The following SGCD variants were observed in gnomAD, a reference collection of about 807,000 sequenced individuals.
SGCD encodes delta-sarcoglycan.
SGCD carries 18 observed loss-of-function variants against 36.6 expected under a neutral mutation model. The observed-to-expected ratio is 0.49, with a 90% confidence interval of 0.34 to 0.73. The LOEUF (loss-of-function observed/expected upper bound fraction) is 0.73, where lower values mean the gene tolerates loss of function less well. Ranked by LOEUF, SGCD falls within the 30% of genes least tolerant of loss-of-function variation. SGCD has a pLI of 0.01. For synonymous variants in SGCD, 133 were observed against 130.6 expected (o/e 1.02, Z -0.12); for missense variants, 387 against 346.7 (o/e 1.12, Z -0.92).
intron 1 of SGCD, among the ~76,000 whole-genome samples, chr5:156,052,137 C>T (rs1759934981): frequency 6.8e-6 from 1 of 146,246 alleles, no homozygotes; most frequent in Non-Finnish European, 1.5e-5. Context: ...CAGCTTGAAT[C>T]CCAAGTTCCA....
In SGCD at chr5:156,209,171, G is replaced by A. The variant is rs145906350; in HGVS notation, c.-44+85152G>A. On this transcript the variant is annotated intron_variant, in intron 3 of 9. Coordinates refer to the SGCD transcript ENST00000517913. Reference sequence around the variant, plus strand: ...CCTGCAACCCATTTACTGCCAGGCAGAATTTCACAGCCTCTGGCTTTTAGT... The same window carrying A: ...CCTGCAACCCATTTACTGCCAGGCAAAATTTCACAGCCTCTGGCTTTTAGT... Among the ~76,000 whole-genome samples, 86 of 152,268 alleles carry A rather than the reference G, an allele frequency of 5.6e-4. 1 individual carries two copies. The highest frequency in any genetic ancestry group is 2.0e-3 in the African/African-American group (82 of 41,554).
At chr5:155,895,540 G>A (rs1372538898) in intron 1 of SGCD, among the ~76,000 whole-genome samples, 1 of 152,164 alleles carries the variant, frequency 6.6e-6, no homozygotes, top group African/African-American at 2.4e-5. Context: ...GCAATCTGCT[G>A]TCATCTATCA....
chr5:156,415,614 C>A (rs929261267), intron 3 of SGCD, among the ~76,000 whole-genome samples: 2 of 152,074 alleles, frequency 1.3e-5, no homozygotes, highest in Non-Finnish European at 2.9e-5. Context: ...GATTCAATAT[C>A]CAGGTGTAAT....
chr5:156,581,915 T>C (rs913984645), intron 4 of SGCD, among the ~76,000 whole-genome samples: 6 of 152,054 alleles, frequency 3.9e-5, no homozygotes, highest in African/African-American at 1.4e-4. Flanking sequence ...CAGCTCACCC[T>C]CCATAGGCTG....
chr5:156,582,344 G>T (rs1402484176), intron 4 of SGCD, among the ~76,000 whole-genome samples: 5 of 152,298 alleles, frequency 3.3e-5, no homozygotes, highest in African/African-American at 1.2e-4. Context: ...CAAAGATCTA[G>T]TACCTTTTGT....
intron 3 of SGCD, among the ~76,000 whole-genome samples, chr5:156,231,107 A>G (rs913245308): frequency 9.2e-5 from 14 of 152,370 alleles, no homozygotes; most frequent in African/African-American, 2.6e-4. Flanking sequence ...TGACGCCACC[A>G]TAAAATCCAA....
chr5:156,266,955 T>C (rs1045599458), intron 3 of SGCD, among the ~76,000 whole-genome samples: 6 of 152,204 alleles, frequency 3.9e-5, no homozygotes, highest in African/African-American at 9.6e-5. Flanking sequence ...ATAGCCCTCA[T>C]TGATCTTCTT....
intron 1 of SGCD, among the ~76,000 whole-genome samples, chr5:155,951,434 G>A (rs1362793674): frequency 6.6e-6 from 1 of 152,090 alleles, no homozygotes; most frequent in Non-Finnish European, 1.5e-5. Context: ...ACAGTAGAAT[G>A]TATTATGTGA....
intron 6 of SGCD, among the ~76,000 whole-genome samples, chr5:156,607,679 A>G (rs1761539837): frequency 7.1e-6 from 1 of 141,122 alleles, no homozygotes; most frequent in African/African-American, 2.7e-5. Flanking sequence ...CTGGTCCTGG[A>G]CTTCTTTTGT....
intron 7 of SGCD, among the ~76,000 whole-genome samples, chr5:156,678,509 G>A (rs1269928617): frequency 6.6e-6 from 1 of 152,160 alleles, no homozygotes; most frequent in Non-Finnish European, 1.5e-5. Flanking sequence ...GCAAACTGCA[G>A]GGTGCTCACA....
intron 3 of SGCD, among the ~76,000 whole-genome samples, chr5:156,175,948 C>CTT (rs59891264): frequency 1.3e-3 from 186 of 148,326 alleles, no homozygotes; most frequent in African/African-American, 4.0e-3. Context: ...TTCTGTGGAT[C>CTT]TTTTTTTTTT....
intron 4 of SGCD, among the ~76,000 whole-genome samples, chr5:156,517,422 A>C (rs543136138): frequency 6.6e-6 from 1 of 152,188 alleles, no homozygotes; most frequent in African/African-American, 2.4e-5. Context: ...CGTACTTCAG[A>C]ATATCATCCA....
intron 1 of SGCD, among the ~76,000 whole-genome samples, chr5:155,891,603 A>T (rs1756133553): frequency 8.6e-6 from 1 of 116,934 alleles, no homozygotes; most frequent in South Asian, 2.6e-4. Context: ...TCAAACTCTC[A>T]ATTTGTCTTA....
At chr5:156,487,962 A>T (rs1258219977) in intron 3 of SGCD, among the ~76,000 whole-genome samples, 7 of 7,808 alleles carry the variant, frequency 9.0e-4, no homozygotes, top group East Asian at 6.5e-3. Context: ...AACATATATT[A>T]TATATATATA....
At chr5:156,239,913 T>G (rs1765267855) in intron 3 of SGCD, among the ~76,000 whole-genome samples, 1 of 152,194 alleles carries the variant, frequency 6.6e-6, no homozygotes. Context: ...CTTTTATGGT[T>G]TTGTTTGGCA....
intron 3 of SGCD, among the ~76,000 whole-genome samples, chr5:156,207,288 T>A (rs946653152): frequency 2.0e-5 from 3 of 152,048 alleles, no homozygotes; most frequent in Admixed American, 1.3e-4. Context: ...TAGGAAAAAA[T>A]TCAGTAAAAT....
the SGCD span, among the ~76,000 whole-genome samples, chr5:155,787,245 C>A: frequency 1.3e-5 from 2 of 151,992 alleles, no homozygotes; most frequent in Non-Finnish European, 2.9e-5. Flanking sequence ...GCAAATTGTG[C>A]CTATAAAACA....
chr5:156,440,881 A>G lies in SGCD; in HGVS notation c.193-67720A>G, dbSNP rs565312920. On this transcript the variant is annotated intron_variant, in intron 3 of 8. Coordinates refer to ENST00000337851, the MANE Select transcript of SGCD (RefSeq NM_000337.6). ...GACCCTTATCAGATATGAATTACCAATATTATCTTCCATTCTGTGAGTCAT... is the reference window on the plus strand; with the variant it reads ...GACCCTTATCAGATATGAATTACCAGTATTATCTTCCATTCTGTGAGTCAT... Among the ~76,000 whole-genome samples the G allele has an allele frequency of 4.6e-5, 7 of 152,222 alleles. No individual in the cohort carries two copies. The South Asian group carries it at 1.5e-3, about 32-fold the overall frequency.
At chr5:156,694,265 C>G (rs965779603) in intron 7 of SGCD, among the ~76,000 whole-genome samples, 5 of 152,222 alleles carry the variant, frequency 3.3e-5, no homozygotes, top group Non-Finnish European at 7.3e-5. Flanking sequence ...ACTCCTGGAT[C>G]TGGGAGTTGA....
Sources: allele counts gnomAD v4.1 joint callset (sites outside exome capture counted in the v4.1 genomes callset), GRCh38; gene constraint gnomAD v4.1.1; transcripts MANE v1.5; gene names NCBI Gene and HGNC (gene_info 2026-07-23, HGNC 2026-07-21).